Variants in SULF1 observed in about 807,000 individuals in gnomAD.
SULF1 encodes the protein extracellular sulfatase Sulf-1.
A neutral mutation model predicts 110.5 loss-of-function variants in SULF1; 46 were observed. The ratio of observed to expected loss-of-function variants is 0.42; its 90% CI spans 0.33 to 0.53. SULF1 has a LOEUF of 0.53. Among genes scored for constraint, SULF1 ranks in the 20% least tolerant of loss-of-function variants. SULF1 has a pLI of 0.12. For missense variants in SULF1, 941 were observed against 1,094.2 expected (o/e 0.86, Z 1.98); for synonymous variants, 371 against 387.1 (o/e 0.96, Z 0.49).
chr8:69,517,147 G>C (rs1040984827), intron 3 of SULF1, among the ~76,000 whole-genome samples: 1 of 152,208 alleles, frequency 6.6e-6, no homozygotes, highest in African/African-American at 2.4e-5. Flanking sequence ...ATCATCCCAT[G>C]GCAGAAGGGT....
chr8:69,527,276 T>A (rs1586310859), intron 3 of SULF1, among the ~76,000 whole-genome samples: 1 of 152,040 alleles, frequency 6.6e-6, no homozygotes, highest in Non-Finnish European at 1.5e-5. Flanking sequence ...AAACAAAAGA[T>A]GTCAAGAGAA....
intron 13 of SULF1, among the ~76,000 whole-genome samples, chr8:69,615,253 G>A (rs1228484823): frequency 6.6e-6 from 1 of 152,168 alleles, no homozygotes; most frequent in African/African-American, 2.4e-5. Flanking sequence ...ATGAGTTTCA[G>A]AGCAATTCTT....
chr8:69,498,269 C>T (rs968517696), intron 2 of SULF1, among the ~76,000 whole-genome samples: 5 of 152,168 alleles, frequency 3.3e-5, no homozygotes, highest in African/African-American at 1.2e-4. Flanking sequence ...CTTCCTGGTC[C>T]TTTCAAGTTT....
chr8:69,565,278 A>T (rs1250856185), intron 5 of SULF1, among the ~76,000 whole-genome samples: 1 of 152,054 alleles, frequency 6.6e-6, no homozygotes, highest in East Asian at 1.9e-4. Context: ...CCAAAATGAA[A>T]GGTGTCACAC....
chr8:69,527,613 T>C (rs1812787692), intron 3 of SULF1, among the ~76,000 whole-genome samples: 1 of 152,128 alleles, frequency 6.6e-6, no homozygotes, highest in African/African-American at 2.4e-5. Flanking sequence ...GAATTGCAGG[T>C]GTCTCCACAG....
intron 22 of SULF1, chr8:69,642,484 C>A: frequency 1.3e-6 from 1 of 788,992 alleles, no homozygotes; most frequent in South Asian, 5.7e-5. Flanking sequence ...GTGTCACTCC[C>A]AGCACACATA....
chr8:69,637,737 A>G (rs922276554), intron 19 of SULF1: 2 of 152,464 alleles, frequency 1.3e-5, no homozygotes, highest in Admixed American at 1.3e-4. Context: ...TGAGCCCAGG[A>G]GTTCTAGTCC....
intron 13 of SULF1, among the ~76,000 whole-genome samples, chr8:69,615,906 G>A (rs1452893788): frequency 6.6e-6 from 1 of 151,874 alleles, no homozygotes; most frequent in African/African-American, 2.4e-5. Context: ...AAACAAAATA[G>A]GCAGAATTCT....
At chr8:69,636,814 A>G (rs1037713279) in intron 19 of SULF1, among the ~76,000 whole-genome samples, 2 of 152,168 alleles carry the variant, frequency 1.3e-5, no homozygotes, top group Admixed American at 6.5e-5. Context: ...GGCTGCAGAC[A>G]TTGCAGTTTT....
intron 22 of SULF1, 30 bp downstream of exon 22, chr8:69,640,871 G>C: frequency 1.2e-6 from 2 of 1,601,950 alleles, no homozygotes; most frequent in South Asian, 1.1e-5. Context: ...CTTCTCAACA[G>C]CTTCTTCCCC....
intron 8 of SULF1, 145 bp downstream of exon 8, chr8:69,589,286 G>C (rs115932414): frequency 1.5e-5 from 12 of 810,214 alleles, no homozygotes; most frequent in African/African-American, 3.4e-5. Flanking sequence ...AGCAGACCAC[G>C]GAACAGGCAG....
Position 69,601,892 on chromosome 8 carries a change from A to G in SULF1, c.1061+63A>G, listed in dbSNP as rs982450593. The G allele has an allele frequency of 5.5e-6, 8 of 1,456,366 alleles. No individual in the cohort carries two copies. The East Asian group carries it at 1.4e-4, about 26-fold the overall frequency. The allele number at this position is 1,456,366 out of a possible 1,614,324, so 90.2% of individuals were successfully genotyped here. A position where few individuals can be genotyped will look rare whatever the true frequency, so the allele number is the denominator to read the frequency against. On this transcript the variant is annotated intron_variant, in intron 10 of 22. Transcript: ENST00000402687. ...CCTCAAGTGTGTCTAAGATAATTCA[A>G]TTACCAGTCTCAGTATCTGGTTTCC...
At chr8:69,617,373 C>CTATATATA (rs56381958) in intron 13 of SULF1, among the ~76,000 whole-genome samples, 3 of 48,906 alleles carry the variant, frequency 6.1e-5, no homozygotes, top group Non-Finnish European at 7.8e-5. Context: ...GCATGCTTAG[C>CTATATATA]TATATATATA....
chr8:69,598,110 C>A (rs1334456073), intron 8 of SULF1, among the ~76,000 whole-genome samples: 162 of 139,142 alleles, frequency 1.2e-3, no homozygotes, highest in African/African-American at 1.4e-3. Context: ...TCTTTCAGGC[C>A]AAAAAAAAAA....
Position 69,646,796 on chromosome 8 carries a change from T to C in SULF1, c.2585+5955T>C, listed in dbSNP as rs563137372. On this transcript the variant is annotated intron_variant, in intron 22 of 22. Coordinates refer to ENST00000402687, the MANE Select transcript of SULF1 (RefSeq NM_001128205.2). ...CTGAATTTTCTCATCTTTAAAAAGG[T>C]GATAATACATACACATAATAATACA... is the stretch of plus-strand genomic sequence containing the variant. Among the ~76,000 whole-genome samples the C allele has an allele frequency of 1.8e-4, 27 of 152,168 alleles. No individual in the cohort carries two copies. In the South Asian group the frequency reaches 1.9e-3, roughly 11 times the overall value.
intron 8 of SULF1, among the ~76,000 whole-genome samples, chr8:69,594,126 A>C (rs1328319324): frequency 6.6e-6 from 1 of 151,832 alleles, no homozygotes; most frequent in South Asian, 2.1e-4. Flanking sequence ...ATCTCGGCTC[A>C]CCACAACCTC....
chr8:69,564,239 CTTAATTA>C (rs1197186284), intron 5 of SULF1, 92 bp downstream of exon 5: 77 of 1,458,678 alleles, frequency 5.3e-5, no homozygotes, highest in Non-Finnish European at 5.7e-5. Flanking sequence ...AGGCTTTGCA[CTTAATTA>C]TTGCACATTA....
chr8:69,637,254 T>A (rs1811128934), intron 19 of SULF1, among the ~76,000 whole-genome samples: 1 of 152,176 alleles, frequency 6.6e-6, no homozygotes, highest in African/African-American at 2.4e-5. Flanking sequence ...CTCAAGGTCA[T>A]TGTCAACTTC....
intron 3 of SULF1, among the ~76,000 whole-genome samples, chr8:69,529,648 C>G (rs1812948525): frequency 6.6e-6 from 1 of 152,070 alleles, no homozygotes; most frequent in Non-Finnish European, 1.5e-5. Context: ...AAGGGACTTA[C>G]TAGAGTAGGA....
Sources: gnomAD v4.1 joint callset for allele counts (sites outside exome capture counted in the v4.1 genomes callset) on GRCh38, gnomAD v4.1.1 for gene constraint, MANE v1.5 for transcripts, NCBI Gene and HGNC (gene_info 2026-07-23, HGNC 2026-07-21) for gene names.